ABCB5: variants seen among roughly 807,000 people sequenced by gnomAD.
The protein encoded by ABCB5 is ATP binding cassette subfamily B member 5.
Under a neutral mutation model 144.2 loss-of-function variants are expected in ABCB5, and 155 were observed. That is an observed-to-expected ratio of 1.08 (90% CI 0.94 to 1.23). The LOEUF (loss-of-function observed/expected upper bound fraction) is 1.23, where lower values mean the gene tolerates loss of function less well. ABCB5 is among the 50% of genes most tolerant of loss of function. The pLI is 0.00. For synonymous variants in ABCB5, 610 were observed against 528.6 expected (o/e 1.15, Z -2.11); for missense variants, 1,830 against 1,520.8 (o/e 1.20, Z -3.38).
intron 20 of ABCB5, among the ~76,000 whole-genome samples, chr7:20,709,758 A>T (rs1219814183): frequency 2.0e-5 from 3 of 149,872 alleles, no homozygotes; most frequent in Non-Finnish European, 1.5e-5. Context: ...GACAGCCTAA[A>T]CAATAGGTAA....
intron 23 of ABCB5, among the ~76,000 whole-genome samples, chr7:20,734,783 C>T (rs954836467): frequency 6.6e-6 from 1 of 152,094 alleles, no homozygotes; most frequent in African/African-American, 2.4e-5. Flanking sequence ...ACAGACAAGG[C>T]ATAGGGGCGT....
At chr7:20,700,924 C>G (rs1412585311) in intron 19 of ABCB5, among the ~76,000 whole-genome samples, 1 of 152,132 alleles carries the variant, frequency 6.6e-6, no homozygotes, top group African/African-American at 2.4e-5. Context: ...CCAACTGAGT[C>G]GTCAAAACCC....
At chr7:20,720,871 G>C (rs1228511460) in intron 20 of ABCB5, among the ~76,000 whole-genome samples, 2 of 148,738 alleles carry the variant, frequency 1.3e-5, no homozygotes, top group African/African-American at 5.0e-5. Context: ...GTGAACCCGG[G>C]AGGCGGAGCT....
At chr7:20,626,854 GGTGTGTGTGTGTGTGT>G (rs370537783) in intron 3 of ABCB5, among the ~76,000 whole-genome samples, 18 of 143,758 alleles carry the variant, frequency 1.3e-4, no homozygotes, top group African/African-American at 3.6e-4. Context: ...GTGTTTTTGG[GGTGTGTGTGTGTGTGT>G]GTGTGTGTGT....
chr7:20,741,409 A>C (rs1344921664), intron 24 of ABCB5, among the ~76,000 whole-genome samples: 2 of 152,060 alleles, frequency 1.3e-5, no homozygotes, highest in Non-Finnish European at 2.9e-5. Flanking sequence ...ATACAAATGC[A>C]GAGAGGGAAG....
chr7:20,624,264 G>T lies in ABCB5; in HGVS notation c.53+926G>T, dbSNP rs145631167. Among the ~76,000 whole-genome samples the T allele has an allele frequency of 4.1e-4, 63 of 152,298 alleles. 1 individual carries two copies. The highest frequency in any genetic ancestry group is 6.2e-4 in the Non-Finnish European group (42 of 68,028). The stretch of plus-strand genomic sequence containing the variant: ...GTGTTCGGCATATATTCCACAGGAA[G>T]CATTGTAACTGTACAGTTAAGAGTT... On this transcript the variant is annotated intron_variant, in intron 2 of 27. Coordinates refer to ENST00000404938, the MANE Select transcript of ABCB5 (RefSeq NM_001163941.2).
chr7:20,629,930 C>G (rs1476484), intron 4 of ABCB5, among the ~76,000 whole-genome samples: 57,729 of 151,924 alleles, frequency 0.38, 11,706 homozygotes, highest in African/African-American at 0.53. Context: ...GAAAATTATA[C>G]AACTAGAGAC....
At chr7:20,660,292 T>C (rs1289530924) in intron 14 of ABCB5, 1 of 985,024 alleles carries the variant, frequency 1.0e-6, no homozygotes, top group Non-Finnish European at 1.2e-6. Context: ...ATAACAGCTA[T>C]GTGGCATAAT....
intron 14 of ABCB5, chr7:20,659,123 T>C (rs752559888): frequency 5.0e-6 from 8 of 1,614,018 alleles, no homozygotes; most frequent in Non-Finnish European, 6.8e-6. Flanking sequence ...ATCGCTGACC[T>C]TGAACCAGCG....
chr7:20,745,356 A>G lies in ABCB5; in HGVS notation c.3347A>G (p.Asn1116Ser). 5 of 1,614,170 alleles carry G rather than the reference A, an allele frequency of 3.1e-6. No individual in the cohort carries two copies. The highest frequency in any genetic ancestry group is 4.2e-6 in the Non-Finnish European group (5 of 1,180,018). ...GCTGAGAACATCGCCTATGGTGACA[A>G]CAGCCGTGTGGTGCCATTAGATGAG... ...SIAENIAYGD[N>S]SRVVPLDEIK... Residue 1116 changes from asparagine (N) to serine (S), a missense_variant, in exon 26 of 28, where the codon AAC becomes AGC. Physicochemically the swap from Asn to Ser is conservative, Grantham distance 46. Transcript: ENST00000404938.
At chr7:20,637,420 AT>A (rs71020651) in intron 5 of ABCB5, among the ~76,000 whole-genome samples, 31,207 of 142,792 alleles carry the variant, frequency 0.22, 3,396 homozygotes, top group African/African-American at 0.31. Context: ...TGATTACTTA[AT>A]TTTTTTTTTT....
Position 20,750,709 on chromosome 7 carries a change from A to G in ABCB5, c.3430-2651A>G, listed in dbSNP as rs185794592. Among the ~76,000 whole-genome samples the G allele has an allele frequency of 7.4e-3, 1,120 of 152,284 alleles. 9 individuals are homozygous for G. Among genetic ancestry groups the G allele is most frequent in the Non-Finnish European group, 8.0e-3 (543 of 68,026 alleles). On this transcript the variant is annotated intron_variant, in intron 26 of 27. Coordinates refer to ENST00000404938, the MANE Select transcript of ABCB5 (RefSeq NM_001163941.2). The stretch of plus-strand genomic sequence containing the variant: ...AAAAAATCAGAATTCTTAAATACAG[A>G]TAACTCCAACGGTTTCGGTAAGGGA...
chr7:20,685,635 TA>T, intron 15 of ABCB5, 60 bp from the exon 16 acceptor site: 1 of 1,436,358 alleles, frequency 7.0e-7, no homozygotes, highest in Non-Finnish European at 9.5e-7. Context: ...AGATGCTTAA[TA>T]AGTTTCCTTG....
At chr7:20,724,916 A>G (rs898290130) in intron 21 of ABCB5, among the ~76,000 whole-genome samples, 66 of 152,286 alleles carry the variant, frequency 4.3e-4, no homozygotes, top group Middle Eastern at 3.4e-3. Flanking sequence ...GTATAGTCTG[A>G]ACTACCTAGC....
chr7:20,739,650 T>A (rs571976815), intron 24 of ABCB5, among the ~76,000 whole-genome samples: 6 of 152,294 alleles, frequency 3.9e-5, no homozygotes, highest in African/African-American at 1.4e-4. Flanking sequence ...AGATTGATTC[T>A]TATACTGAAT....
At chr7:20,622,059 T>C (rs537729936) in intron 1 of ABCB5, among the ~76,000 whole-genome samples, 4 of 152,212 alleles carry the variant, frequency 2.6e-5, no homozygotes, top group African/African-American at 9.6e-5. Flanking sequence ...TACAGCATGA[T>C]CAGAAGATAA....
rs1489251921 is a variant in ABCB5, at chr7:20,659,887, T to A, written c.1707+1211T>A. ...TTAGTAGAGACAAGGTTTTGCCATGTTGACCAGGCTGGTCTCAAACTCCTG... is the reference window on the plus strand; with the variant it reads ...TTAGTAGAGACAAGGTTTTGCCATGATGACCAGGCTGGTCTCAAACTCCTG... On this transcript the variant is annotated intron_variant, in intron 14 of 27. Coordinates refer to ENST00000404938, the MANE Select transcript of ABCB5 (RefSeq NM_001163941.2). The A allele has an allele frequency of 3.3e-6, 3 of 915,474 alleles. No homozygotes were observed. The African/African-American group carries it at 5.4e-5, about 16-fold the overall frequency. The allele number at this position is 915,474 out of a possible 1,614,324, so 56.7% of individuals were successfully genotyped here.
chr7:20,645,373 A>T (rs1784378739), intron 7 of ABCB5, among the ~76,000 whole-genome samples: 1 of 152,216 alleles, frequency 6.6e-6, no homozygotes, highest in Non-Finnish European at 1.5e-5. Flanking sequence ...TATGTGGAAT[A>T]TATTTTTTAG....
chr7:20,653,020 CATTAAAG>C, intron 13 of ABCB5, among the ~76,000 whole-genome samples: 1 of 152,296 alleles, frequency 6.6e-6, no homozygotes, highest in African/African-American at 2.4e-5. Flanking sequence ...CCAAAAAAAT[CATTAAAG>C]ATTTAAGGTG....
Sources: allele counts gnomAD v4.1 joint callset (sites outside exome capture counted in the v4.1 genomes callset), GRCh38; gene constraint gnomAD v4.1.1; transcripts MANE v1.5; gene names NCBI Gene and HGNC (gene_info 2026-07-23, HGNC 2026-07-21).